The following FCER2 variants were observed in gnomAD, a reference collection of about 807,000 sequenced individuals.
The protein encoded by FCER2 is low affinity immunoglobulin epsilon Fc receptor.
Under a neutral mutation model 49.7 loss-of-function variants are expected in FCER2, and 38 were observed. The ratio of observed to expected loss-of-function variants is 0.76; its 90% CI spans 0.59 to 1.00. The LOEUF (loss-of-function observed/expected upper bound fraction) is 1.00, where lower values mean the gene tolerates loss of function less well. Among genes scored for constraint, FCER2 ranks in the 50% least tolerant of loss-of-function variants. FCER2 has a pLI of 0.00. For missense variants in FCER2, 425 were observed against 419.5 expected (o/e 1.01, Z -0.11); for synonymous variants, 163 against 164.6 (o/e 0.99, Z 0.07).
chr19:7,691,911 T>C (rs61647048), intron 8 of FCER2, among the ~76,000 whole-genome samples: 1 of 143,890 alleles, frequency 6.9e-6, no homozygotes, highest in Admixed American at 6.8e-5. Context: ...CCACCAGCAC[T>C]ATCACCACAA....
chr19:7,697,127 G>A lies in FCER2; in HGVS notation c.317-52C>T, dbSNP rs774780248. 4.9e-5 allele frequency: 79 copies of A among 1,608,284 alleles called. No homozygotes were observed. In the East Asian group the frequency reaches 8.7e-4, roughly 18 times the overall value. The stretch of plus-strand genomic sequence containing the variant: ...GTCTCAGGGAGGATGTGTACAGGCC[G>A]AGGGTGCCCCCCAAGCCTGGCCCCC... On this transcript the variant is annotated intron_variant, in intron 6 of 10. Transcript: ENST00000597921.
At chr19:7,698,709 G>A (rs1157697760) in intron 3 of FCER2, 32 bp downstream of exon 3, 5 of 1,606,216 alleles carry the variant, frequency 3.1e-6, no homozygotes, top group Non-Finnish European at 4.2e-6. Flanking sequence ...CCATGAGTTG[G>A]GGGGACCACA....
At chr19:7,699,573 C>T (rs887961812) in intron 2 of FCER2, 166 bp downstream of exon 2, 5 of 1,196,994 alleles carry the variant, frequency 4.2e-6, no homozygotes, top group Non-Finnish European at 4.7e-6. Flanking sequence ...GGCTCTGTGC[C>T]AGGAAAGTCA....
intron 8 of FCER2, among the ~76,000 whole-genome samples, chr19:7,693,732 T>C (rs35156698): frequency 0.27 from 40,439 of 151,836 alleles, 6,084 homozygotes; most frequent in African/African-American, 0.41. Flanking sequence ...CACTGCAACC[T>C]GCACCTCCCG....
chr19:7,694,084 G>A (rs559204461), intron 8 of FCER2, among the ~76,000 whole-genome samples: 23 of 151,978 alleles, frequency 1.5e-4, no homozygotes, highest in South Asian at 8.3e-4. Flanking sequence ...GAGCCACCAC[G>A]CCCACCCTCA....
At chr19:7,701,771 G>A (rs540995709) in intron 1 of FCER2, among the ~76,000 whole-genome samples, 2 of 151,822 alleles carry the variant, frequency 1.3e-5, no homozygotes, top group South Asian at 2.1e-4. Flanking sequence ...TCGGCCCAGC[G>A]CACTCACCAA....
intron 2 of FCER2, 104 bp from the exon 3 acceptor site, chr19:7,698,958 C>T (rs1389501460): frequency 2.4e-5 from 30 of 1,253,722 alleles, no homozygotes; most frequent in Non-Finnish European, 3.1e-5. Flanking sequence ...GGAGCTTGTC[C>T]AGAGCCCACA....
chr19:7,699,169 C>T (rs1038230168), intron 2 of FCER2, among the ~76,000 whole-genome samples: 3 of 152,026 alleles, frequency 2.0e-5, no homozygotes, highest in African/African-American at 4.8e-5. Flanking sequence ...GCCCCAACGC[C>T]CACCCTTACA....
At chr19:7,698,288 G>A in intron 4 of FCER2, 68 bp downstream of exon 4, 2 of 1,129,620 alleles carry the variant, frequency 1.8e-6, no homozygotes, top group East Asian at 2.4e-5. Context: ...GAGGCCCAGA[G>A]AGGAGCGGGA....
In FCER2 at chr19:7,690,455, C is replaced by T. The variant is rs1352505053; in HGVS notation, c.572G>A (p.Cys191Tyr). ...TKQWVHARYA[C>Y]DDMEGQLVSI... ...GACCAGCTGCCCTTCCATGTCGTCA[C>T]AGGCATACCGGGCGTGGACCCACTG... is the stretch of plus-strand genomic sequence containing the variant. The change falls in exon 9 of 11, where the codon TGT (cysteine) becomes TAT (tyrosine). Residue 191 changes from cysteine (C) to tyrosine (Y), a missense_variant. By Grantham distance (194) the Cys-to-Tyr change is radical. Transcript: ENST00000597921. 1 of 1,614,130 alleles carries T rather than the reference C, an allele frequency of 6.2e-7. No individual in the cohort carries two copies. Among genetic ancestry groups the T allele is most frequent in the African/African-American group, 1.3e-5 (1 of 75,058 alleles).
intron 8 of FCER2, among the ~76,000 whole-genome samples, chr19:7,692,743 T>C (rs1293584021): frequency 2.0e-5 from 3 of 148,232 alleles, no homozygotes; most frequent in African/African-American, 7.9e-5. Context: ...ATAAATACAT[T>C]CTTGACCATC....
chr19:7,696,353 G>A (rs969095384), intron 8 of FCER2, among the ~76,000 whole-genome samples: 1 of 151,942 alleles, frequency 6.6e-6, no homozygotes, highest in East Asian at 1.9e-4. Flanking sequence ...TATCCGCCTC[G>A]ACCTCCCTAA....
intron 3 of FCER2, 71 bp downstream of exon 3, chr19:7,698,670 G>C (rs546158506): frequency 6.4e-7 from 1 of 1,562,500 alleles, no homozygotes; most frequent in African/African-American, 1.4e-5. Context: ...GCTCTGAGAT[G>C]GGGGTGAAGG....
intron 4 of FCER2, 56 bp from the exon 5 acceptor site, chr19:7,697,645 C>A: frequency 7.0e-7 from 1 of 1,436,580 alleles, no homozygotes; most frequent in East Asian, 2.3e-5. Context: ...GGTCCTTGGA[C>A]CCCGCCTATG....
chr19:7,689,407 G>T lies in FCER2; in HGVS notation c.752C>A (p.Thr251Asn), dbSNP rs770191728. ...GCAGTCCTCGCCCTGGCTCCGGCTG[G>T]TGGGCTCCCCTGGAGCCCAGTTGCT... ...DYSNWAPGEP[T>N]SRSQGEDCVM... is the part of the protein sequence containing the mutation. Residue 251 changes from threonine (T) to asparagine (N), a missense_variant, in exon 11 of 11, where the codon ACC becomes AAC. Transcript: ENST00000597921. 3.8e-6 allele frequency: 6 copies of T among 1,598,386 alleles called. No individual in the cohort carries two copies. The South Asian group carries it at 5.6e-5, about 15-fold the overall frequency.
At chr19:7,690,974 C>T (rs2032851273) in intron 8 of FCER2, among the ~76,000 whole-genome samples, 1 of 151,990 alleles carries the variant, frequency 6.6e-6, no homozygotes, top group African/African-American at 2.4e-5. Context: ...CCACAGACAC[C>T]TCACGGCTAG....
At chr19:7,695,825 G>C (rs1190691728) in intron 8 of FCER2, among the ~76,000 whole-genome samples, 1 of 152,108 alleles carries the variant, frequency 6.6e-6, no homozygotes, top group African/African-American at 2.4e-5. Context: ...GCTGAGGTGG[G>C]AGGATCTCTT....
intron 10 of FCER2, 94 bp downstream of exon 10, chr19:7,690,065 C>G (rs2032816599): frequency 1.2e-6 from 1 of 834,894 alleles, no homozygotes; most frequent in Non-Finnish European, 2.0e-6. Context: ...TATCTCTGAG[C>G]CCTCATCCGC....
chr19:7,699,430 T>C, intron 2 of FCER2: 2 of 1,448,490 alleles, frequency 1.4e-6, no homozygotes, highest in Non-Finnish European at 1.8e-6. Flanking sequence ...GTTCCTGTTC[T>C]ATTTGGCCTC....
Sources: gnomAD v4.1 joint callset for allele counts (sites outside exome capture counted in the v4.1 genomes callset) on GRCh38, gnomAD v4.1.1 for gene constraint, MANE v1.5 for transcripts, NCBI Gene and HGNC (gene_info 2026-07-23, HGNC 2026-07-21) for gene names.